Variants in ARHGEF11 observed in about 807,000 individuals in gnomAD.
The protein encoded by ARHGEF11 is Rho guanine exchange factor (GEF) 11.
Under a neutral mutation model 193.7 loss-of-function variants are expected in ARHGEF11, and 55 were observed. The observed-to-expected ratio is 0.28, with a 90% confidence interval of 0.23 to 0.36. ARHGEF11 has a LOEUF of 0.36. Ranked by LOEUF, ARHGEF11 falls within the 10% of genes least tolerant of loss-of-function variation. The pLI, the probability that ARHGEF11 is intolerant of heterozygous loss-of-function variation, is 1.00. For synonymous variants in ARHGEF11, 693 were observed against 768.0 expected (o/e 0.90, Z 1.62); for missense variants, 1,723 against 2,005.6 (o/e 0.86, Z 2.69).
intron 1 of ARHGEF11, among the ~76,000 whole-genome samples, chr1:156,993,756 C>T (rs573903858): frequency 2.6e-5 from 4 of 152,296 alleles, no homozygotes; most frequent in South Asian, 2.1e-4. Flanking sequence ...GGCAAACACA[C>T]CGTCCTAGAC....
chr1:156,969,004 G>C (rs776600562), intron 10 of ARHGEF11, among the ~76,000 whole-genome samples: 2 of 152,176 alleles, frequency 1.3e-5, no homozygotes, highest in Non-Finnish European at 2.9e-5. Context: ...ACTCTCAAAG[G>C]CTTGCCACAG....
intron 1 of ARHGEF11, among the ~76,000 whole-genome samples, chr1:156,999,143 C>T (rs1666910065): frequency 2.0e-5 from 3 of 152,152 alleles, no homozygotes; most frequent in Admixed American, 2.0e-4. Context: ...TTTTATATAT[C>T]CTTGAAAAGG....
intron 1 of ARHGEF11, among the ~76,000 whole-genome samples, chr1:157,028,752 A>C (rs566709906): frequency 3.9e-5 from 6 of 152,346 alleles, no homozygotes; most frequent in South Asian, 4.1e-4. Flanking sequence ...ATATGCAAAT[A>C]ATCAACATAA....
intron 1 of ARHGEF11, among the ~76,000 whole-genome samples, chr1:157,029,924 A>G (rs1405685075): frequency 1.3e-5 from 2 of 152,148 alleles, no homozygotes; most frequent in Non-Finnish European, 2.9e-5. Flanking sequence ...TTACATCTAC[A>G]TGAAATGTCC....
chr1:157,044,701 A>G lies in ARHGEF11; in HGVS notation c.-371T>C, dbSNP rs962859439. ...AATCACAGAAAAATGTGCCTTCAAA[A>G]TATCACTGTTAACTGCAAAGTACAG... On this transcript the variant is annotated 5_prime_UTR_variant, in exon 1 of 41. Transcript: ENST00000368194. 7.0e-6 allele frequency: 3 copies of G among 431,598 alleles called. No homozygotes were observed. Among genetic ancestry groups the G allele is most frequent in the Admixed American group, 3.9e-5 (1 of 25,772 alleles). The allele number at this position is 431,598 out of a possible 1,614,324, so 26.7% of individuals were successfully genotyped here.
chr1:156,981,172 C>T (rs1664119897), intron 3 of ARHGEF11, among the ~76,000 whole-genome samples: 1 of 151,134 alleles, frequency 6.6e-6, no homozygotes, highest in Non-Finnish European at 1.5e-5. Context: ...TATGGAACTA[C>T]AGGTGCATGC....
chr1:156,946,152 C>A lies in ARHGEF11; in HGVS notation c.2705G>T (p.Ser902Ile), dbSNP rs1416947732. ...CTGCAGCCGCCGACACTGAGGGTGGCTCTCAGCCTCCTAGACAGCAGGAGA... is the reference window on the plus strand; with the variant it reads ...CTGCAGCCGCCGACACTGAGGGTGGATCTCAGCCTCCTAGACAGCAGGAGA... Reference protein sequence around the residue: ...RFQLFMQEAESHPQCRRLQLR... With the variant: ...RFQLFMQEAEIHPQCRRLQLR... Residue 902 changes from serine (S) to isoleucine (I), a missense_variant, in exon 29 of 41, where the codon AGC becomes ATC. Ser to Ile is a moderately radical substitution (Grantham distance 142). Coordinates refer to ENST00000368194, the MANE Select transcript of ARHGEF11 (RefSeq NM_198236.3). 1.2e-6 allele frequency: 2 copies of A among 1,613,274 alleles called. No homozygotes were observed. Among genetic ancestry groups the A allele is most frequent in the African/African-American group, 2.7e-5 (2 of 74,914 alleles).
intron 1 of ARHGEF11, among the ~76,000 whole-genome samples, chr1:157,041,231 T>C (rs951873482): frequency 6.6e-6 from 1 of 152,216 alleles, no homozygotes; most frequent in Non-Finnish European, 1.5e-5. Context: ...AGTATCATTA[T>C]CTCTGTTTGC....
intron 1 of ARHGEF11, among the ~76,000 whole-genome samples, chr1:157,027,877 G>A (rs1458455468): frequency 2.6e-5 from 4 of 152,130 alleles, no homozygotes; most frequent in South Asian, 2.1e-4. Flanking sequence ...GCTACTCTGA[G>A]GTCGCCATGT....
chr1:156,941,363 G>T lies in ARHGEF11; in HGVS notation c.3514+9C>A. 6.2e-7 allele frequency: 1 copy of T among 1,613,742 alleles called. No homozygotes were observed. The highest frequency in any genetic ancestry group is 8.5e-7 in the Non-Finnish European group (1 of 1,179,808). ...GGCTGGCTCCCACAGGACAGTTCAGGGCCCTTACCTCCAGGCAGCTCCTCA... is the reference window on the plus strand; with the variant it reads ...GGCTGGCTCCCACAGGACAGTTCAGTGCCCTTACCTCCAGGCAGCTCCTCA... On this transcript the variant is annotated intron_variant, in intron 35 of 40. Transcript: ENST00000368194.
intron 8 of ARHGEF11, 24 bp from the exon 9 acceptor site, chr1:156,970,067 T>C (rs1168164728): frequency 6.2e-6 from 10 of 1,611,818 alleles, no homozygotes; most frequent in Non-Finnish European, 8.5e-6. Flanking sequence ...GCCCACAGGG[T>C]GGGCAAATTC....
chr1:156,935,026 G>A lies in ARHGEF11; in HGVS notation c.*974C>T, dbSNP rs6676. On this transcript the variant is annotated 3_prime_UTR_variant, in exon 41 of 41. Transcript: ENST00000368194. Reference sequence around the variant, plus strand: ...CAGTGTGTATATTCTATTCATCAGGGAGAGTTGGGTGAGGACGTGGTGATG... The same window carrying A: ...CAGTGTGTATATTCTATTCATCAGGAAGAGTTGGGTGAGGACGTGGTGATG... The A allele has an allele frequency of 0.18, 26,506 of 150,570 alleles. 2,358 individuals carry two copies. Among genetic ancestry groups the A allele is most frequent in the East Asian group, 0.31 (1,605 of 5,122 alleles). The allele number at this position is 150,570 out of a possible 1,614,324, so 9.3% of individuals were successfully genotyped here.
chr1:156,967,534 G>C (rs938064314), intron 11 of ARHGEF11, among the ~76,000 whole-genome samples: 1 of 152,160 alleles, frequency 6.6e-6, no homozygotes, highest in Non-Finnish European at 1.5e-5. Flanking sequence ...TTGAGGGCAG[G>C]GGGAGGTTGA....
Position 156,951,640 on chromosome 1 carries a change from C to T in ARHGEF11, c.1858G>A (p.Ala620Thr). 6.2e-7 allele frequency: 1 copy of T among 1,614,168 alleles called. No individual in the cohort carries two copies. The highest frequency in any genetic ancestry group is 1.1e-5 in the South Asian group (1 of 91,078). ...AGTCGTTGTGTCCCAGGTTCTGGGG[C>T]ATCATACTGCTGGTTGTTCTCAAAG... is the stretch of plus-strand genomic sequence containing the variant. ...QHFENNQQYD[A>T]PEPGTQRLST... Residue 620 changes from alanine to threonine, a missense_variant, in exon 22 of 41, where the codon GCC becomes ACC. Coordinates refer to ENST00000368194, the MANE Select transcript of ARHGEF11 (RefSeq NM_198236.3).
intron 1 of ARHGEF11, among the ~76,000 whole-genome samples, chr1:157,038,938 G>A (rs1283278878): frequency 6.6e-6 from 1 of 152,108 alleles, no homozygotes; most frequent in Non-Finnish European, 1.5e-5. Flanking sequence ...AGGACCACCT[G>A]AGCCTGGGGA....
intron 36 of ARHGEF11, 123 bp downstream of exon 36, chr1:156,940,084 C>A (rs924145890): frequency 7.8e-6 from 11 of 1,401,484 alleles, no homozygotes; most frequent in Non-Finnish European, 1.1e-5. Context: ...GTCTCCGCAT[C>A]CATCTCTCCT....
chr1:157,000,393 G>T (rs1217880676), intron 1 of ARHGEF11, among the ~76,000 whole-genome samples: 1 of 152,128 alleles, frequency 6.6e-6, no homozygotes, highest in Non-Finnish European at 1.5e-5. Flanking sequence ...TTCAAAGAAG[G>T]CATACTTTAT....
At chr1:157,008,857 C>T (rs1668214696) in intron 1 of ARHGEF11, among the ~76,000 whole-genome samples, 1 of 152,238 alleles carries the variant, frequency 6.6e-6, no homozygotes, top group African/African-American at 2.4e-5. Context: ...CCAATGGTAT[C>T]ACCTTTGAGA....
chr1:157,026,757 C>T (rs561037036), intron 1 of ARHGEF11, among the ~76,000 whole-genome samples: 1 of 152,168 alleles, frequency 6.6e-6, no homozygotes, highest in African/African-American at 2.4e-5. Flanking sequence ...TTTCAGAATC[C>T]CTGTTGTTAA....
Sources: gnomAD v4.1 joint callset for allele counts (sites outside exome capture counted in the v4.1 genomes callset) on GRCh38, gnomAD v4.1.1 for gene constraint, MANE v1.5 for transcripts, NCBI Gene and HGNC (gene_info 2026-07-23, HGNC 2026-07-21) for gene names.